The following THEMIS variants were observed in gnomAD, a reference collection of about 807,000 sequenced individuals.
The protein encoded by THEMIS is protein THEMIS.
A neutral mutation model predicts 52.6 loss-of-function variants in THEMIS; 37 were observed. That is an observed-to-expected ratio of 0.70 (90% CI 0.54 to 0.93). THEMIS has a LOEUF of 0.93. Among genes scored for constraint, THEMIS ranks in the 40% least tolerant of loss-of-function variants. The pLI, the probability that THEMIS is intolerant of heterozygous loss-of-function variation, is 0.00. For missense variants in THEMIS, 808 were observed against 763.1 expected (o/e 1.06, Z -0.69); for synonymous variants, 292 against 272.7 (o/e 1.07, Z -0.70).
Position 127,769,764 on chromosome 6 carries a change from C to A in THEMIS, c.1758+43119G>T, listed in dbSNP as rs190111136. On this transcript the variant is annotated intron_variant, in intron 4 of 5. Transcript: ENST00000368248. ...CATTTGCATTAGGTATTTCTCCTGA[C>A]GCTACCCCTCCCCCATCCTCCAACC... 4.6e-5 allele frequency among the ~76,000 whole-genome samples: 7 copies of A among 152,144 alleles called. No homozygotes were observed. The East Asian group carries it at 1.4e-3, about 29-fold the overall frequency.
At chr6:127,752,045 G>A (rs1312169732) in intron 4 of THEMIS, among the ~76,000 whole-genome samples, 1 of 151,476 alleles carries the variant, frequency 6.6e-6, no homozygotes, top group Non-Finnish European at 1.5e-5. Context: ...AGATTAAATG[G>A]ACCACTATTG....
intron 4 of THEMIS, among the ~76,000 whole-genome samples, chr6:127,792,028 C>A (rs1162533639): frequency 3.9e-5 from 6 of 152,238 alleles, no homozygotes; most frequent in Non-Finnish European, 7.4e-5. Context: ...CCACAGCTGC[C>A]CCTGGGAGGG....
intron 3 of THEMIS, among the ~76,000 whole-genome samples, chr6:127,819,327 GAC>G (rs1778254131): frequency 6.6e-6 from 1 of 151,788 alleles, no homozygotes; most frequent in Admixed American, 6.6e-5. Context: ...AGAAATGTAA[GAC>G]AACTGCAAAA....
intron 4 of THEMIS, among the ~76,000 whole-genome samples, chr6:127,731,217 C>A (rs1774781240): frequency 6.6e-6 from 1 of 152,120 alleles, no homozygotes; most frequent in African/African-American, 2.4e-5. Context: ...CTGGACAATG[C>A]AGCTACTGTA....
chr6:127,824,801 T>TACAA (rs1355223618), intron 3 of THEMIS, among the ~76,000 whole-genome samples: 2 of 152,150 alleles, frequency 1.3e-5, no homozygotes, highest in African/African-American at 4.8e-5. Flanking sequence ...GGCAGGCGCC[T>TACAA]GTAGTCCCAG....
chr6:127,720,401 G>A (rs1235140727), intron 4 of THEMIS, among the ~76,000 whole-genome samples: 1 of 151,848 alleles, frequency 6.6e-6, no homozygotes, highest in Non-Finnish European at 1.5e-5. Flanking sequence ...CATCTCACAT[G>A]TAAGAGATGT....
chr6:127,777,819 C>T (rs1776615428), intron 4 of THEMIS, among the ~76,000 whole-genome samples: 1 of 152,014 alleles, frequency 6.6e-6, no homozygotes. Flanking sequence ...GAATGATTTG[C>T]TAAAGATTGC....
chr6:127,757,367 A>G (rs1371447118), intron 4 of THEMIS, among the ~76,000 whole-genome samples: 1 of 152,222 alleles, frequency 6.6e-6, no homozygotes, highest in African/African-American at 2.4e-5. Context: ...AGTACTTTAT[A>G]TGTAAAAAGA....
rs543364296 is a variant in THEMIS at position 127,824,213 on chromosome 6, G to A, written c.709+5263C>T. 1.0e-3 allele frequency among the ~76,000 whole-genome samples: 159 copies of A among 152,180 alleles called. 1 individual carries two copies. The highest frequency in any genetic ancestry group is 2.8e-4 in the Non-Finnish European group (19 of 68,026). On this transcript the variant is annotated intron_variant, in intron 3 of 5. Coordinates refer to ENST00000368248, the MANE Select transcript of THEMIS (RefSeq NM_001010923.3). ...GTATATACAGGATCTCAGAACCTCC[G>A]AAACCAGACATAGGTGAGCAGGAGG...
intron 1 of THEMIS, among the ~76,000 whole-genome samples, chr6:127,916,172 A>AT (rs1295779868): frequency 6.6e-6 from 1 of 151,618 alleles, no homozygotes; most frequent in Non-Finnish European, 1.5e-5. Context: ...AAAAAGTTTA[A>AT]TTTTTTTATA....
intron 4 of THEMIS, among the ~76,000 whole-genome samples, chr6:127,729,857 G>GT (rs1774699567): frequency 6.6e-6 from 1 of 152,180 alleles, no homozygotes; most frequent in Admixed American, 6.6e-5. Flanking sequence ...AACAGGAAAA[G>GT]TATATTGTTA....
rs369869441 is a variant in THEMIS, at chr6:127,880,052, G to T, written c.91+20790C>A. Among the ~76,000 whole-genome samples the T allele has an allele frequency of 2.4e-4, 36 of 152,180 alleles. No individual in the cohort carries two copies. In the East Asian group the frequency reaches 5.0e-3, roughly 21 times the overall value. The stretch of plus-strand genomic sequence containing the variant: ...GTACAGTTGATCTGCCACTTTTTAG[G>T]TGCCATCTCTATTATTATCCTCTAA... On this transcript the variant is annotated intron_variant, in intron 1 of 5. Transcript: ENST00000368248.
intron 3 of THEMIS, 29 bp from the exon 4 acceptor site, chr6:127,813,960 A>G (rs747087400): frequency 8.0e-6 from 12 of 1,503,200 alleles, no homozygotes; most frequent in Admixed American, 2.4e-5. Context: ...TCACTATGAT[A>G]TTTTTGTACT....
intron 4 of THEMIS, among the ~76,000 whole-genome samples, chr6:127,766,651 C>A (rs1002644503): frequency 4.6e-5 from 7 of 152,108 alleles, no homozygotes; most frequent in Non-Finnish European, 1.0e-4. Context: ...GGGCTATAAA[C>A]CTGTATGTAT....
intron 4 of THEMIS, among the ~76,000 whole-genome samples, chr6:127,809,693 C>T (rs1777835350): frequency 6.6e-6 from 1 of 152,030 alleles, no homozygotes; most frequent in East Asian, 1.9e-4. Context: ...CTACTATAAA[C>T]ATTTTGGGGA....
intron 2 of THEMIS, among the ~76,000 whole-genome samples, chr6:127,852,796 G>T (rs1388469682): frequency 1.3e-5 from 2 of 151,520 alleles, no homozygotes; most frequent in Non-Finnish European, 3.0e-5. Context: ...TCATTATCTA[G>T]GAGTTCTCTT....
intron 4 of THEMIS, among the ~76,000 whole-genome samples, chr6:127,790,876 G>A (rs1473153587): frequency 2.0e-5 from 3 of 152,204 alleles, no homozygotes; most frequent in Non-Finnish European, 4.4e-5. Flanking sequence ...GTGGCTGGAT[G>A]AGGCACACTG....
At chr6:127,784,383 T>C (rs926249957) in intron 4 of THEMIS, among the ~76,000 whole-genome samples, 2 of 151,874 alleles carry the variant, frequency 1.3e-5, no homozygotes, top group African/African-American at 4.8e-5. Context: ...TTAAAGTATA[T>C]GTAAAAAAAA....
intron 3 of THEMIS, among the ~76,000 whole-genome samples, chr6:127,826,183 T>C (rs932459308): frequency 6.6e-6 from 1 of 152,116 alleles, no homozygotes; most frequent in Admixed American, 6.5e-5. Flanking sequence ...AGGCATTACC[T>C]CAGAAGAGCA....
Sources: allele counts gnomAD v4.1 joint callset (sites outside exome capture counted in the v4.1 genomes callset), GRCh38; gene constraint gnomAD v4.1.1; transcripts MANE v1.5; gene names NCBI Gene and HGNC (gene_info 2026-07-23, HGNC 2026-07-21).